The following AUTS2 variants were observed in gnomAD, a reference collection of about 807,000 sequenced individuals.
AUTS2 encodes the protein autism susceptibility gene 2 protein.
In AUTS2, 17 loss-of-function variants were observed where a neutral mutation model predicts 112.4. That is an observed-to-expected ratio of 0.15 (90% CI 0.10 to 0.23). The LOEUF (loss-of-function observed/expected upper bound fraction) is 0.23. AUTS2 is among the 10% of genes least tolerant of loss of function. AUTS2 has a pLI of 1.00. For synonymous variants in AUTS2, 751 were observed against 702.7 expected, an observed-to-expected ratio of 1.07 and a Z score of -1.09; for missense variants, 1,510 against 1,701.6, an observed-to-expected ratio of 0.89 and a Z score of 1.98.
chr7:70,478,361 C>A (rs1013063209), intron 5 of AUTS2, among the ~76,000 whole-genome samples: 3 of 152,118 alleles, frequency 2.0e-5, no homozygotes, highest in African/African-American at 7.2e-5. Context: ...TCTCTGGACA[C>A]AGAGGCCTCC....
chr7:70,769,759 C>T (rs188332548), intron 10 of AUTS2, among the ~76,000 whole-genome samples: 41 of 152,234 alleles, frequency 2.7e-4, no homozygotes, highest in African/African-American at 8.7e-4. Context: ...GGACCCACTG[C>T]GGTGCCTTCT....
At chr7:70,320,351 C>T (rs920382119) in intron 4 of AUTS2, among the ~76,000 whole-genome samples, 1 of 152,170 alleles carries the variant, frequency 6.6e-6, no homozygotes, top group Admixed American at 6.5e-5. Context: ...ACTACGCAAG[C>T]CACCTTCACA....
intron 1 of AUTS2, among the ~76,000 whole-genome samples, chr7:69,853,624 G>A (rs1207233620): frequency 6.6e-6 from 1 of 151,858 alleles, no homozygotes; most frequent in Non-Finnish European, 1.5e-5. Context: ...TGAAATTATT[G>A]GTGTGTTAGA....
intron 6 of AUTS2, among the ~76,000 whole-genome samples, chr7:70,750,258 G>A (rs988095486): frequency 2.0e-5 from 3 of 152,152 alleles, no homozygotes; most frequent in Non-Finnish European, 2.9e-5. Context: ...CAGGTGACTC[G>A]GGTGCGGAGA....
intron 4 of AUTS2, among the ~76,000 whole-genome samples, chr7:70,310,493 G>A (rs1585003338): frequency 6.6e-6 from 1 of 151,942 alleles, no homozygotes. Flanking sequence ...GGCGCCTGTA[G>A]TCCCAGCTAC....
chr7:70,640,286 T>C (rs1475148457), intron 5 of AUTS2, among the ~76,000 whole-genome samples: 1 of 151,872 alleles, frequency 6.6e-6, no homozygotes, highest in Non-Finnish European at 1.5e-5. Context: ...GCCCGGATGG[T>C]AGGAAGACAG....
At chr7:69,779,884 G>T (rs926239761) in intron 1 of AUTS2, among the ~76,000 whole-genome samples, 4 of 151,780 alleles carry the variant, frequency 2.6e-5, no homozygotes, top group African/African-American at 7.3e-5. Flanking sequence ...CAGACAGGGT[G>T]TTGCTCTGTC....
chr7:70,298,496 T>C (rs1789050643), intron 4 of AUTS2, among the ~76,000 whole-genome samples: 1 of 152,210 alleles, frequency 6.6e-6, no homozygotes, highest in South Asian at 2.1e-4. Flanking sequence ...TATCACTAGA[T>C]GTTCCCATGC....
chr7:69,984,429 T>C (rs1016985126), intron 2 of AUTS2, among the ~76,000 whole-genome samples: 1 of 148,762 alleles, frequency 6.7e-6, no homozygotes, highest in Non-Finnish European at 1.5e-5. Context: ...AAAAAAAAAT[T>C]GAGTTCTAAA....
intron 1 of AUTS2, among the ~76,000 whole-genome samples, chr7:69,677,201 G>A (rs979395207): frequency 3.9e-5 from 6 of 152,114 alleles, no homozygotes; most frequent in African/African-American, 1.2e-4. Context: ...GAGAAGTGAG[G>A]TGCTTGATGT....
chr7:69,730,588 A>C (rs1786749808), intron 1 of AUTS2, among the ~76,000 whole-genome samples: 2 of 152,202 alleles, frequency 1.3e-5, no homozygotes, highest in Admixed American at 6.5e-5. Context: ...TAATGTCTAC[A>C]AGTCAGTGTT....
rs1808202178 is a variant in AUTS2 at position 70,163,346 on chromosome 7, G to C, written c.660+28775G>C. Among the ~76,000 whole-genome samples the C allele has an allele frequency of 4.9e-5, 4 of 81,036 alleles. 1 individual carries two copies. Among genetic ancestry groups the C allele is most frequent in the Admixed American group, 2.5e-4 (2 of 8,066 alleles). 53.2% of individuals were successfully genotyped at this position (81,036 alleles called of 152,430 possible). ...AGATGAGTGTTAGGTTGTGGTGGTG[G>C]GGGGGGGGGGGGCAGAGGGGGAGGG... On this transcript the variant is annotated intron_variant, in intron 4 of 18. Transcript: ENST00000342771.
intron 1 of AUTS2, among the ~76,000 whole-genome samples, chr7:69,876,360 A>ATATATATATATATATATG (rs1793769858): frequency 9.5e-6 from 1 of 105,216 alleles, no homozygotes; most frequent in African/African-American, 3.8e-5. Flanking sequence ...ATATATATAT[A>ATATATATATATATATATG]TATATATATA....
intron 4 of AUTS2, among the ~76,000 whole-genome samples, chr7:70,181,493 CTT>C (rs1380452623): frequency 7.1e-6 from 1 of 140,954 alleles, no homozygotes; most frequent in Non-Finnish European, 1.6e-5. Flanking sequence ...TTTTTTTTTT[CTT>C]TTTTTTTTTG....
At chr7:70,581,421 G>T (rs1214840205) in intron 5 of AUTS2, among the ~76,000 whole-genome samples, 1 of 152,278 alleles carries the variant, frequency 6.6e-6, no homozygotes, top group East Asian at 1.9e-4. Flanking sequence ...AGCCGGGTGC[G>T]ATGGCATGTG....
chr7:70,592,311 A>G (rs1802986994), intron 5 of AUTS2, among the ~76,000 whole-genome samples: 1 of 152,194 alleles, frequency 6.6e-6, no homozygotes, highest in African/African-American at 2.4e-5. Flanking sequence ...CAGCTCTGCC[A>G]CTTGCTAGTT....
chr7:70,355,006 GTGTA>G (rs1452189291), intron 4 of AUTS2, among the ~76,000 whole-genome samples: 2 of 150,438 alleles, frequency 1.3e-5, no homozygotes, highest in South Asian at 2.1e-4. Context: ...ATGGGTGTGT[GTGTA>G]TGTATGTGTG....
At chr7:69,623,759 T>A (rs1456728294) in intron 1 of AUTS2, among the ~76,000 whole-genome samples, 2 of 152,102 alleles carry the variant, frequency 1.3e-5, no homozygotes, top group Non-Finnish European at 2.9e-5. Flanking sequence ...ATAGAACACA[T>A]CCTGGAAAAA....
At chr7:70,514,169 A>G (rs1799319678) in intron 5 of AUTS2, among the ~76,000 whole-genome samples, 1 of 152,248 alleles carries the variant, frequency 6.6e-6, no homozygotes, top group Non-Finnish European at 1.5e-5. Flanking sequence ...TGAATAAACC[A>G]TACTTTATTA....
Sources: gnomAD v4.1 joint callset for allele counts (sites outside exome capture counted in the v4.1 genomes callset) on GRCh38, gnomAD v4.1.1 for gene constraint, MANE v1.5 for transcripts, NCBI Gene and HGNC (gene_info 2026-07-23, HGNC 2026-07-21) for gene names.